PCDH15: variants seen among roughly 807,000 people sequenced by gnomAD.
PCDH15 encodes protocadherin related 15, also known as protocadherin-15.
A neutral mutation model predicts 178.5 loss-of-function variants in PCDH15; 129 were observed. That is an observed-to-expected ratio of 0.72 (90% CI 0.63 to 0.84). The LOEUF (loss-of-function observed/expected upper bound fraction) is 0.84. Among genes scored for constraint, PCDH15 ranks in the 40% least tolerant of loss-of-function variants. The pLI is 0.00. For missense variants in PCDH15, 2,230 were observed against 2,099.9 expected, an observed-to-expected ratio of 1.06 and a Z score of -1.21; for synonymous variants, 800 against 732.0, an observed-to-expected ratio of 1.09 and a Z score of -1.50.
chr10:54,229,874 T>C lies in PCDH15; in HGVS notation c.985+6949A>G, dbSNP rs181136090. On this transcript the variant is annotated intron_variant, in intron 9 of 37. Coordinates refer to ENST00000644397, the MANE Select transcript of PCDH15 (RefSeq NM_001384140.1). ...TTATTTATGTCTTAAAGTTCAGAGC[T>C]CCACTTTATGAACCCTCTCATCTCC... Among the ~76,000 whole-genome samples the C allele has an allele frequency of 9.4e-4, 143 of 152,336 alleles. 1 individual carries two copies. In the East Asian group the frequency reaches 0.014, roughly 15 times the overall value.
intron 16 of PCDH15, among the ~76,000 whole-genome samples, chr10:54,080,126 AT>A (rs898632391): frequency 1.1e-4 from 16 of 152,022 alleles, no homozygotes; most frequent in African/African-American, 3.9e-4. Flanking sequence ...TCATTTTATA[AT>A]TTGTTTAAAA....
intron 1 of PCDH15, among the ~76,000 whole-genome samples, chr10:55,214,250 G>A (rs1840642418): frequency 6.6e-6 from 1 of 151,904 alleles, no homozygotes; most frequent in Non-Finnish European, 1.5e-5. Context: ...AATATACATT[G>A]AATAGTTAAA....
chr10:55,285,840 C>A (rs1842856620), intron 1 of PCDH15, among the ~76,000 whole-genome samples: 1 of 151,902 alleles, frequency 6.6e-6, no homozygotes. Flanking sequence ...CAAGCTATGA[C>A]TCTGTTTTTT....
At chr10:53,985,118 T>G (rs1345065881) in intron 21 of PCDH15, among the ~76,000 whole-genome samples, 1 of 152,194 alleles carries the variant, frequency 6.6e-6, no homozygotes, top group Non-Finnish European at 1.5e-5. Context: ...AATAAAAATA[T>G]TGATCTTTGC....
intron 8 of PCDH15, among the ~76,000 whole-genome samples, chr10:54,263,085 TTC>T: frequency 6.6e-6 from 1 of 152,342 alleles, no homozygotes. Flanking sequence ...ATACTGTATT[TTC>T]TTTGTCTCAT....
chr10:54,151,511 G>A (rs1321642711), intron 14 of PCDH15, among the ~76,000 whole-genome samples: 5 of 152,034 alleles, frequency 3.3e-5, no homozygotes, highest in Non-Finnish European at 4.4e-5. Flanking sequence ...CTACACTCTA[G>A]ACTGGGAGAC....
At chr10:54,753,188 ATT>A (rs556937756) in intron 1 of PCDH15, among the ~76,000 whole-genome samples, 1 of 148,358 alleles carries the variant, frequency 6.7e-6, no homozygotes. Context: ...TAGAGACGTG[ATT>A]TTTTTTTTTA....
At chr10:54,376,499 A>C (rs1226089274) in intron 4 of PCDH15, among the ~76,000 whole-genome samples, 1 of 151,176 alleles carries the variant, frequency 6.6e-6, no homozygotes, top group South Asian at 2.1e-4. Flanking sequence ...GCATATTTTC[A>C]AATACAATCT....
intron 2 of PCDH15, among the ~76,000 whole-genome samples, chr10:55,590,941 G>A (rs756984092): frequency 5.3e-5 from 8 of 151,948 alleles, no homozygotes; most frequent in African/African-American, 4.8e-5. Flanking sequence ...AGCCAAAAAC[G>A]TGTTCTTAAT....
At chr10:53,871,254 T>C (rs2079826902) in intron 26 of PCDH15, among the ~76,000 whole-genome samples, 1 of 151,514 alleles carries the variant, frequency 6.6e-6, no homozygotes, top group Admixed American at 6.6e-5. Flanking sequence ...GGCAGGAGAA[T>C]GGTATGAACC....
chr10:54,280,282 T>G (rs1219478261), intron 8 of PCDH15, among the ~76,000 whole-genome samples: 4 of 61,776 alleles, frequency 6.5e-5, no homozygotes, highest in South Asian at 8.7e-4. Flanking sequence ...AAATTTCTAG[T>G]TTTTTTTTTT....
chr10:54,687,253 T>C (rs1023402537), intron 1 of PCDH15, among the ~76,000 whole-genome samples: 3 of 152,102 alleles, frequency 2.0e-5, no homozygotes, highest in African/African-American at 4.8e-5. Flanking sequence ...CGGAGGTTTC[T>C]AAAAAAATTT....
intron 1 of PCDH15, among the ~76,000 whole-genome samples, chr10:55,289,689 T>A (rs1842960374): frequency 6.6e-6 from 1 of 152,074 alleles, no homozygotes; most frequent in African/African-American, 2.4e-5. Context: ...AATCTATCTA[T>A]CTAAATATCT....
intron 18 of PCDH15, among the ~76,000 whole-genome samples, chr10:54,037,258 A>C (rs556022841): frequency 6.6e-6 from 1 of 152,002 alleles, no homozygotes; most frequent in African/African-American, 2.4e-5. Context: ...ATTCTGAAAA[A>C]AACTTATTTA....
chr10:54,046,624 A>AAC (rs59657306), intron 18 of PCDH15, among the ~76,000 whole-genome samples: 52 of 151,740 alleles, frequency 3.4e-4, no homozygotes, highest in East Asian at 9.7e-4. Context: ...CAACAAAAAA[A>AAC]CCCAGGAAAT....
intron 8 of PCDH15, among the ~76,000 whole-genome samples, chr10:54,298,820 C>T (rs1347991604): frequency 2.6e-5 from 4 of 152,232 alleles, no homozygotes; most frequent in East Asian, 1.9e-4. Context: ...CCTCAAGGTC[C>T]GTTACCATCC....
At chr10:54,569,432 A>G (rs2489897) in intron 2 of PCDH15, among the ~76,000 whole-genome samples, 149,447 of 152,218 alleles carry the variant, frequency 0.98, 73,418 homozygotes, top group African/African-American at 1. Flanking sequence ...AACATGTCTT[A>G]GATGTTTGTA....
intron 1 of PCDH15, among the ~76,000 whole-genome samples, chr10:54,786,300 T>C (rs1950871108): frequency 1.3e-5 from 2 of 152,034 alleles, no homozygotes; most frequent in Admixed American, 1.3e-4. Flanking sequence ...ACATACATAA[T>C]CAGCAAGAAC....
intron 2 of PCDH15, among the ~76,000 whole-genome samples, chr10:55,419,719 C>CATAACCATTTCTTTCAT (rs1838573186): frequency 6.6e-6 from 1 of 150,996 alleles, no homozygotes; most frequent in African/African-American, 2.4e-5. Context: ...TACTATAGCA[C>CATAACCATTTCTTTCAT]ATACCCATTT....
Sources: gnomAD v4.1 joint callset for allele counts (sites outside exome capture counted in the v4.1 genomes callset) on GRCh38, gnomAD v4.1.1 for gene constraint, MANE v1.5 for transcripts, NCBI Gene and HGNC (gene_info 2026-07-23, HGNC 2026-07-21) for gene names.